Variants in PDPN observed in about 807,000 individuals in gnomAD.
The protein encoded by PDPN is PA2.26 antigen.
Under a neutral mutation model 23.2 loss-of-function variants are expected in PDPN, and 12 were observed. The ratio of observed to expected loss-of-function variants is 0.52; its 90% CI spans 0.33 to 0.84. The LOEUF (loss-of-function observed/expected upper bound fraction) is 0.84. Ranked by LOEUF, PDPN falls within the 40% of genes least tolerant of loss-of-function variation. The probability of loss-of-function intolerance (pLI) is 0.02; values close to 1 mark genes in which losing one functional copy is unlikely to be tolerated. For missense variants in PDPN, 199 were observed against 212.2 expected (o/e 0.94, Z 0.39); for synonymous variants, 77 against 76.7 (o/e 1.00, Z -0.02).
rs750788992 is a variant in PDPN, at chr1:13,610,507, C to T, written c.322C>T (p.His108Tyr). 2.6e-5 allele frequency: 42 copies of T among 1,613,648 alleles called. No homozygotes were observed. The East Asian group carries it at 8.9e-4, about 34-fold the overall frequency. ...SATASNVATS[H>Y]STEKVDGDTQ... is the part of the protein sequence containing the mutation. ...CACAGCCTCAAACGTGGCCACCAGT[C>T]ACTCCACGGGTAAGAAAACCAGCCA... Residue 108 changes from histidine (H) to tyrosine (Y), a missense_variant, in exon 3 of 6, where the codon CAC becomes TAC. Coordinates refer to ENST00000621990, the MANE Select transcript of PDPN (RefSeq NM_006474.5).
intron 1 of PDPN, among the ~76,000 whole-genome samples, chr1:13,601,875 T>C (rs939661173): frequency 1.3e-5 from 2 of 151,596 alleles, no homozygotes; most frequent in African/African-American, 4.9e-5. Flanking sequence ...TGAGGAAGAG[T>C]TTGTGAGTGT....
chr1:13,588,649 A>G (rs1433288504), intron 1 of PDPN, among the ~76,000 whole-genome samples: 1 of 147,412 alleles, frequency 6.8e-6, no homozygotes, highest in Non-Finnish European at 1.5e-5. Flanking sequence ...ACTATATATT[A>G]TATATTTACA....
At chr1:13,588,885 C>T (rs996317434) in intron 1 of PDPN, among the ~76,000 whole-genome samples, 1 of 148,264 alleles carries the variant, frequency 6.7e-6, no homozygotes, top group Non-Finnish European at 1.5e-5. Context: ...ACCATGTTGC[C>T]CAGGCTGGTC....
chr1:13,606,704 T>TA (rs1390565645), intron 1 of PDPN, among the ~76,000 whole-genome samples: 1 of 151,788 alleles, frequency 6.6e-6, no homozygotes, highest in Admixed American at 6.6e-5. Context: ...GAGAAAAAAA[T>TA]AAAAAAATAA....
At chr1:13,606,553 C>T (rs772159391) in intron 1 of PDPN, among the ~76,000 whole-genome samples, 5 of 151,922 alleles carry the variant, frequency 3.3e-5, no homozygotes, top group Non-Finnish European at 5.9e-5. Context: ...TTGTAGTCCC[C>T]GCTACTTTGG....
chr1:13,591,099 G>A (rs942047822), intron 1 of PDPN, among the ~76,000 whole-genome samples: 2 of 151,942 alleles, frequency 1.3e-5, no homozygotes, highest in East Asian at 1.9e-4. Flanking sequence ...GTGCCACCAC[G>A]CCTGGCTAAT....
chr1:13,591,089 G>A (rs747400140), intron 1 of PDPN, among the ~76,000 whole-genome samples: 3 of 151,984 alleles, frequency 2.0e-5, no homozygotes, highest in South Asian at 2.1e-4. Context: ...TTACAGGCAC[G>A]TGCCACCACG....
chr1:13,608,747 G>A (rs1557549109), intron 2 of PDPN, among the ~76,000 whole-genome samples: 1 of 152,218 alleles, frequency 6.6e-6, no homozygotes. Context: ...AACAAAGGCG[G>A]GAAAGGGTTT....
chr1:13,587,986 C>G (rs1640224733), intron 1 of PDPN, among the ~76,000 whole-genome samples: 1 of 152,134 alleles, frequency 6.6e-6, no homozygotes, highest in Non-Finnish European at 1.5e-5. Context: ...GAGAATTGCT[C>G]AGAGATGGAT....
At chr1:13,587,471 C>CGGG (rs1048750860) in intron 1 of PDPN, among the ~76,000 whole-genome samples, 1 of 151,936 alleles carries the variant, frequency 6.6e-6, no homozygotes, top group Non-Finnish European at 1.5e-5. Context: ...GGAAATACGA[C>CGGG]GGGGGAGGAG....
chr1:13,602,211 C>A (rs931104918), intron 1 of PDPN, among the ~76,000 whole-genome samples: 3 of 152,124 alleles, frequency 2.0e-5, no homozygotes, highest in African/African-American at 7.2e-5. Context: ...ACCTGTAGTC[C>A]CAGCTACTTG....
At chr1:13,611,232 CAAAACAAA>C (rs1640927250) in intron 3 of PDPN, among the ~76,000 whole-genome samples, 1 of 134,642 alleles carries the variant, frequency 7.4e-6, no homozygotes, top group Non-Finnish European at 1.6e-5. Flanking sequence ...AAAAAAAAAA[CAAAACAAA>C]AAAACAAACA....
rs1293075318 is a variant in PDPN, at chr1:13,606,009, CTT to C, written c.68-1155_68-1154del. 2.0e-5 allele frequency among the ~76,000 whole-genome samples: 3 copies of C among 148,426 alleles called. No homozygotes were observed. In the South Asian group the frequency reaches 6.4e-4, roughly 32 times the overall value. On this transcript the variant is annotated intron_variant, in intron 1 of 5. Transcript: ENST00000621990. ...CCAAGGGCAGTTCATTAGTTTGGCTCTTTTTTTTTTGGAGATTGGGTTTCGGC... is the reference window on the plus strand; with the variant it reads ...CCAAGGGCAGTTCATTAGTTTGGCTCTTTTTTTTGGAGATTGGGTTTCGGC...
intron 2 of PDPN, among the ~76,000 whole-genome samples, chr1:13,608,519 A>G (rs1357287729): frequency 2.0e-5 from 3 of 152,202 alleles, no homozygotes; most frequent in African/African-American, 7.2e-5. Context: ...CTCTGCCTAG[A>G]ACACTGCCCA....
intron 3 of PDPN, among the ~76,000 whole-genome samples, chr1:13,613,439 T>C (rs1640985494): frequency 6.6e-6 from 1 of 152,138 alleles, no homozygotes; most frequent in Admixed American, 6.5e-5. Context: ...ACTATAAAAT[T>C]AATACGTAGA....
chr1:13,589,766 C>T (rs1020275104), intron 1 of PDPN, among the ~76,000 whole-genome samples: 4 of 152,300 alleles, frequency 2.6e-5, no homozygotes, highest in South Asian at 2.1e-4. Context: ...CCCAGAAAAG[C>T]GAGAGGTTGA....
intron 2 of PDPN, 104 bp downstream of exon 2, chr1:13,607,410 A>C: frequency 1.2e-6 from 1 of 800,264 alleles, no homozygotes; most frequent in Non-Finnish European, 1.8e-6. Flanking sequence ...TCTATCTATA[A>C]AATCAGCATG....
chr1:13,610,658 G>T, intron 3 of PDPN, 142 bp downstream of exon 3: 1 of 804,004 alleles, frequency 1.2e-6, no homozygotes, highest in Middle Eastern at 3.3e-4. Flanking sequence ...TATATGGTAG[G>T]TTCAGAATTC....
chr1:13,610,987 T>C (rs1045534098), intron 3 of PDPN, among the ~76,000 whole-genome samples: 13 of 152,310 alleles, frequency 8.5e-5, no homozygotes, highest in Admixed American at 2.6e-4. Context: ...TTTGGGAGGC[T>C]GAGGCGGGCG....
Sources: allele counts gnomAD v4.1 joint callset (sites outside exome capture counted in the v4.1 genomes callset), GRCh38; gene constraint gnomAD v4.1.1; transcripts MANE v1.5; gene names NCBI Gene and HGNC (gene_info 2026-07-23, HGNC 2026-07-21).